CSMD1: variants seen among roughly 807,000 people sequenced by gnomAD.
The protein encoded by CSMD1 is CUB and Sushi multiple domains 1.
Under a neutral mutation model 417.5 loss-of-function variants are expected in CSMD1, and 213 were observed. The ratio of observed to expected loss-of-function variants is 0.51; its 90% CI spans 0.46 to 0.57. The LOEUF (loss-of-function observed/expected upper bound fraction) is 0.57. Among genes scored for constraint, CSMD1 ranks in the 20% least tolerant of loss-of-function variants. CSMD1 has a pLI of 0.00. For missense variants in CSMD1, 6,923 were observed against 4,529.7 expected (o/e 1.53, Z -15.17); for synonymous variants, 2,862 against 1,736.8 (o/e 1.65, Z -16.11).
chr8:4,534,947 G>C lies in CSMD1; in HGVS notation c.302+102395C>G, dbSNP rs188078765. On this transcript the variant is annotated intron_variant, in intron 2 of 69. Transcript: ENST00000635120. ...CCGGCTTATTTCTGTATTTTTAATA[G>C]AGACGGGGTTTCCCCATGTTAGCCA... Among the ~76,000 whole-genome samples, 103 of 152,124 alleles carry C rather than the reference G, an allele frequency of 6.8e-4. No individual in the cohort carries two copies. In the East Asian group the frequency reaches 0.017, roughly 26 times the overall value.
chr8:4,894,559 GA>G (rs56868930), intron 1 of CSMD1, among the ~76,000 whole-genome samples: 6 of 31,602 alleles, frequency 1.9e-4, no homozygotes, highest in African/African-American at 4.3e-4. Flanking sequence ...TCTCAAAAAA[GA>G]AAAAAAAAAA....
chr8:3,835,608 G>A (rs546829526), intron 5 of CSMD1, among the ~76,000 whole-genome samples: 2 of 151,956 alleles, frequency 1.3e-5, no homozygotes, highest in South Asian at 2.1e-4. Context: ...TATGCCTAAT[G>A]CTAAATGACG....
At chr8:4,196,692 G>C (rs1361895949) in intron 3 of CSMD1, among the ~76,000 whole-genome samples, 1 of 152,106 alleles carries the variant, frequency 6.6e-6, no homozygotes, top group Non-Finnish European at 1.5e-5. Context: ...GCTTTTAAGA[G>C]TTCACATAGC....
At chr8:3,473,497 T>C (rs1405628232) in intron 11 of CSMD1, among the ~76,000 whole-genome samples, 1 of 152,206 alleles carries the variant, frequency 6.6e-6, no homozygotes, top group Non-Finnish European at 1.5e-5. Context: ...CTCTTTCTGG[T>C]TTTTAGAACT....
At chr8:3,526,495 C>T (rs117037733) in intron 10 of CSMD1, among the ~76,000 whole-genome samples, 3 of 152,058 alleles carry the variant, frequency 2.0e-5, no homozygotes, top group Non-Finnish European at 4.4e-5. Context: ...CTCTCTGGAC[C>T]AAGCATCCTA....
At chr8:4,540,872 C>G (rs1046782613) in intron 2 of CSMD1, among the ~76,000 whole-genome samples, 1 of 152,112 alleles carries the variant, frequency 6.6e-6, no homozygotes, top group Non-Finnish European at 1.5e-5. Context: ...CACAGGAAGT[C>G]TGACTCTCCG....
rs894575551 is a variant in CSMD1 at position 4,874,255 on chromosome 8, G to A, written c.85+120077C>T. Among the ~76,000 whole-genome samples the A allele has an allele frequency of 5.3e-5, 8 of 152,138 alleles. No homozygotes were observed. The East Asian group carries it at 5.8e-4, about 11-fold the overall frequency. The stretch of plus-strand genomic sequence containing the variant: ...TTGGCCGTGGTTTTCATCAAATTAC[G>A]TGGGATACTGCCTAAAATCGCATTC... On this transcript the variant is annotated intron_variant, in intron 1 of 69. Coordinates refer to ENST00000635120, the MANE Select transcript of CSMD1 (RefSeq NM_033225.6).
chr8:4,382,925 G>A (rs931699222), intron 3 of CSMD1, among the ~76,000 whole-genome samples: 8 of 152,168 alleles, frequency 5.3e-5, no homozygotes, highest in African/African-American at 1.9e-4. Context: ...GTGGGAAGGT[G>A]TACATTCATT....
At chr8:4,057,449 G>C (rs973640056) in intron 3 of CSMD1, among the ~76,000 whole-genome samples, 3 of 152,142 alleles carry the variant, frequency 2.0e-5, no homozygotes, top group African/African-American at 2.4e-5. Flanking sequence ...TGTCAGATGA[G>C]TAGGTTGTGA....
Position 3,348,010 on chromosome 8 carries a change from A to T in CSMD1, c.3456T>A (p.Phe1152Leu). 1.2e-6 allele frequency: 2 copies of T among 1,600,238 alleles called. No individual in the cohort carries two copies. ...IHLRTRSFQLFEGDTLKVYDG... is the reference protein window; with the variant it reads ...IHLRTRSFQLLEGDTLKVYDG... ...TTTTTACCTTTAGAGTATCTCCTTC[A>T]AACAGCTGGAAGCTTCGTGTTCTAA... Residue 1152 changes from phenylalanine (F) to leucine (L), a missense_variant, in exon 22 of 70, where the codon TTT becomes TTA. Phe to Leu is a conservative substitution (Grantham distance 22, BLOSUM62 0). Transcript: ENST00000635120.
At chr8:3,459,098 G>T (rs911297276) in intron 12 of CSMD1, among the ~76,000 whole-genome samples, 2 of 152,234 alleles carry the variant, frequency 1.3e-5, no homozygotes, top group African/African-American at 4.8e-5. Context: ...ATGGGCACAG[G>T]ATGGCAAGCA....
chr8:2,960,951 T>TATATATATATATAC (rs1803411498), intron 62 of CSMD1, among the ~76,000 whole-genome samples, 190 bp downstream of exon 62: 1 of 99,506 alleles, frequency 1.0e-5, no homozygotes, highest in African/African-American at 6.1e-5. Flanking sequence ...TATATATATA[T>TATATATATATATAC]ATATATATAT....
intron 5 of CSMD1, among the ~76,000 whole-genome samples, chr8:3,991,433 A>C (rs996609059): frequency 3.3e-5 from 5 of 152,200 alleles, no homozygotes; most frequent in African/African-American, 1.2e-4. Context: ...GCTTCATGGT[A>C]ACATCAGCTT....
rs540157478 is a variant in CSMD1, at chr8:3,088,703, T to C, written c.7286-1418A>G. On this transcript the variant is annotated intron_variant, in intron 48 of 69. Transcript: ENST00000635120. ...AAGAATCTCTTGATTCACAGCTCCA[T>C]TGGCCACACCATGTTCTACCTCCAG... 1.6e-4 allele frequency among the ~76,000 whole-genome samples: 25 copies of C among 152,222 alleles called. No homozygotes were observed. In the East Asian group the frequency reaches 3.5e-3, roughly 21 times the overall value.
At chr8:3,544,428 C>T (rs573973076) in intron 10 of CSMD1, among the ~76,000 whole-genome samples, 3 of 152,168 alleles carry the variant, frequency 2.0e-5, no homozygotes, top group East Asian at 1.9e-4. Flanking sequence ...GGGATGGAGG[C>T]GTTCTTTCTC....
chr8:3,512,375 G>C (rs1201762697), intron 10 of CSMD1, among the ~76,000 whole-genome samples: 2 of 152,208 alleles, frequency 1.3e-5, no homozygotes, highest in East Asian at 1.9e-4. Context: ...AGAAATTCAA[G>C]ATTACTCGTG....
In CSMD1 at chr8:3,165,700, T is replaced by A. The variant is rs113407220; in HGVS notation, c.5726-3423A>T. ...ACCTGCCTCAGCCTCCCCAAAGTGC[T>A]GGGAGAACGGTGGTTTTTTGTTGGT... On this transcript the variant is annotated intron_variant, in intron 37 of 69. Coordinates refer to ENST00000635120, the MANE Select transcript of CSMD1 (RefSeq NM_033225.6). Among the ~76,000 whole-genome samples the A allele has an allele frequency of 8.6e-3, 1,315 of 152,178 alleles. 16 individuals carry two copies. The highest frequency in any genetic ancestry group is 0.03 in the African/African-American group (1,231 of 41,512).
At chr8:3,838,509 A>G (rs1202083291) in intron 5 of CSMD1, among the ~76,000 whole-genome samples, 1 of 131,872 alleles carries the variant, frequency 7.6e-6, no homozygotes, top group Non-Finnish European at 1.6e-5. Context: ...TAGGCTATAT[A>G]TAATATAATA....
intron 1 of CSMD1, among the ~76,000 whole-genome samples, chr8:4,887,146 G>A (rs1803802912): frequency 6.6e-6 from 1 of 151,930 alleles, no homozygotes; most frequent in African/African-American, 2.4e-5. Flanking sequence ...AGTTTTACCT[G>A]CATTCCATAA....
Sources: allele counts gnomAD v4.1 joint callset (sites outside exome capture counted in the v4.1 genomes callset), GRCh38; gene constraint gnomAD v4.1.1; transcripts MANE v1.5; gene names NCBI Gene and HGNC (gene_info 2026-07-23, HGNC 2026-07-21).